Variants in FRMPD4 observed in about 807,000 individuals in gnomAD.
The protein encoded by FRMPD4 is FERM and PDZ domain-containing protein 4.
FRMPD4 carries 22 observed loss-of-function variants against 94.1 expected under a neutral mutation model. The ratio of observed to expected loss-of-function variants is 0.23; its 90% CI spans 0.17 to 0.33. The LOEUF is 0.33. Ranked by LOEUF, FRMPD4 falls within the 10% of genes least tolerant of loss-of-function variation. FRMPD4 has a pLI of 1.00. For synonymous variants in FRMPD4, 631 were observed against 548.6 expected, an observed-to-expected ratio of 1.15 and a Z score of -2.10; for missense variants, 1,111 against 1,339.9, an observed-to-expected ratio of 0.83 and a Z score of 2.67.
chrX:11,825,218 G>GTC, intron 1 of FRMPD4, among the ~76,000 whole-genome samples: 1 of 105,442 alleles, frequency 9.5e-6, no homozygotes, highest in South Asian at 4.4e-4. Flanking sequence ...GTGTGTGTGT[G>GTC]TGTGTGTGTG....
chrX:12,633,963 T>C (rs2059420368), intron 4 of FRMPD4, among the ~76,000 whole-genome samples: 1 of 112,685 alleles, frequency 8.9e-6, no homozygotes, highest in African/African-American at 3.2e-5. Context: ...GTGGTACATA[T>C]GTTAGACAGA....
At chrX:12,486,922 G>A (rs146575742) in intron 1 of FRMPD4, among the ~76,000 whole-genome samples, 3,316 of 111,823 alleles carry the variant, frequency 0.03, 126 homozygotes, top group African/African-American at 0.1. Flanking sequence ...TGGAAGCTGG[G>A]AATGATGGAT....
rs772912962 is a variant in FRMPD4 at position 12,462,260 on chromosome X, A to G, written c.42-36420A>G. 8.6e-4 allele frequency among the ~76,000 whole-genome samples: 96 copies of G among 112,115 alleles called. 1 individual carries two copies. Among genetic ancestry groups the G allele is most frequent in the Non-Finnish European group, 1.6e-3 (86 of 53,245 alleles). On this transcript the variant is annotated intron_variant, in intron 1 of 16. Coordinates refer to ENST00000675598, the MANE Select transcript of FRMPD4 (RefSeq NM_001368397.1). ...TTGTAGATAATACTCTATTTATTTT[A>G]TAAATGAAAGAATGAATAGAGTGCA...
At chrX:12,131,343 G>A (rs2055551294) in intron 3 of FRMPD4, among the ~76,000 whole-genome samples, 1 of 111,979 alleles carries the variant, frequency 8.9e-6, no homozygotes, top group African/African-American at 3.3e-5. Context: ...CAATGTAGAT[G>A]GAATCTCAAA....
intron 1 of FRMPD4, among the ~76,000 whole-genome samples, chrX:12,454,947 TTATTAAGTGAA>T (rs1176500337): frequency 9.1e-6 from 1 of 110,348 alleles, no homozygotes; most frequent in Non-Finnish European, 1.9e-5. Context: ...AAATGGAAGT[TTATTAAGTGAA>T]AACAACTTAT....
At chrX:12,696,586 CAAAAAAA>C (rs57877846) in intron 9 of FRMPD4, among the ~76,000 whole-genome samples, 2 of 30,063 alleles carry the variant, frequency 6.7e-5, no homozygotes, top group Non-Finnish European at 1.3e-4. Flanking sequence ...AAAAATGAAG[CAAAAAAA>C]AAAAAAAAAA....
At chrX:12,353,576 T>G (rs2055847383) in intron 1 of FRMPD4, among the ~76,000 whole-genome samples, 3 of 112,083 alleles carry the variant, frequency 2.7e-5, no homozygotes, top group African/African-American at 9.7e-5. Context: ...TGCAAAGACC[T>G]TTTGTAATAC....
rs3066486 is a variant in FRMPD4, at chrX:12,553,434, CTATATA to C, written c.158+54666_158+54671del. On this transcript the variant is annotated intron_variant, in intron 2 of 16. Transcript: ENST00000675598. ...AGTTTTGTGAGATCTATCCATATGCCTATATATATATATATATATATATATATATAT... is the reference window on the plus strand; with the variant it reads ...AGTTTTGTGAGATCTATCCATATGCCTATATATATATATATATATATATAT... 4.9e-3 allele frequency among the ~76,000 whole-genome samples: 193 copies of C among 39,661 alleles called. 10 individuals are homozygous for C. The highest frequency in any genetic ancestry group is 0.018 in the East Asian group (25 of 1,396). 34.4% of individuals were successfully genotyped at this position (39,661 alleles called of 115,157 possible).
intron 1 of FRMPD4, among the ~76,000 whole-genome samples, chrX:12,269,275 C>A (rs2054317864): frequency 1.8e-5 from 2 of 110,892 alleles, no homozygotes; most frequent in Admixed American, 1.9e-4. Flanking sequence ...CACTAGAAAC[C>A]ACACCGCTTG....
At chrX:12,640,051 C>A (rs193067635) in intron 4 of FRMPD4, among the ~76,000 whole-genome samples, 1 of 111,540 alleles carries the variant, frequency 9.0e-6, no homozygotes, top group East Asian at 2.8e-4. Flanking sequence ...GTAATCCTAG[C>A]ACTTTGGGAG....
At chrX:12,370,044 G>A (rs966423867) in intron 1 of FRMPD4, among the ~76,000 whole-genome samples, 13 of 112,085 alleles carry the variant, frequency 1.2e-4, no homozygotes, top group Admixed American at 1.0e-3. Context: ...CTAGTGTTGA[G>A]CAAATGCTCT....
intron 2 of FRMPD4, among the ~76,000 whole-genome samples, chrX:12,564,307 TG>T (rs2058690585): frequency 8.9e-6 from 1 of 112,613 alleles, no homozygotes; most frequent in Non-Finnish European, 1.9e-5. Context: ...CTTTCCAGAC[TG>T]GAATAGGTAT....
At chrX:12,301,083 T>C (rs1209027921) in intron 1 of FRMPD4, among the ~76,000 whole-genome samples, 1 of 111,504 alleles carries the variant, frequency 9.0e-6, no homozygotes. Flanking sequence ...TTTCTCACTT[T>C]CCACAGTCAA....
chrX:12,288,997 A>G (rs1175897784), intron 1 of FRMPD4, among the ~76,000 whole-genome samples: 1 of 111,882 alleles, frequency 8.9e-6, no homozygotes, highest in Non-Finnish European at 1.9e-5. Context: ...ATATTTTTAC[A>G]TTGTTAGCCA....
chrX:12,008,500 CAA>C (rs1157272007), intron 3 of FRMPD4, among the ~76,000 whole-genome samples: 2 of 112,672 alleles, frequency 1.8e-5, no homozygotes, highest in Non-Finnish European at 3.7e-5. Context: ...ATTGTAATCT[CAA>C]ATATATGTGC....
intron 1 of FRMPD4, among the ~76,000 whole-genome samples, chrX:12,485,612 T>A (rs1452057822): frequency 9.0e-6 from 1 of 111,580 alleles, no homozygotes; most frequent in African/African-American, 3.3e-5. Flanking sequence ...CAAGGGAGGC[T>A]CTCCGTTAAT....
intron 1 of FRMPD4, among the ~76,000 whole-genome samples, chrX:12,187,020 A>T (rs1444233332): frequency 1.8e-5 from 2 of 112,368 alleles, no homozygotes; most frequent in Non-Finnish European, 3.8e-5. Context: ...ATGTGACATA[A>T]TTTTTTCTCC....
intron 1 of FRMPD4, among the ~76,000 whole-genome samples, chrX:12,420,142 C>T (rs748023296): frequency 7.2e-5 from 8 of 111,561 alleles, no homozygotes; most frequent in Non-Finnish European, 1.1e-4. Flanking sequence ...ATTCTCATGG[C>T]CCACACTCTG....
chrX:12,294,690 T>C (rs2054744374), intron 1 of FRMPD4, among the ~76,000 whole-genome samples: 2 of 111,654 alleles, frequency 1.8e-5, no homozygotes, highest in Non-Finnish European at 3.8e-5. Flanking sequence ...GCTCCCACAC[T>C]ACAGAGTGTA....
Sources: gnomAD v4.1 joint callset for allele counts (sites outside exome capture counted in the v4.1 genomes callset) on GRCh38, gnomAD v4.1.1 for gene constraint, MANE v1.5 for transcripts, NCBI Gene and HGNC (gene_info 2026-07-23, HGNC 2026-07-21) for gene names.